The following FBXO16 variants were observed in gnomAD, a reference collection of about 807,000 sequenced individuals.
The protein encoded by FBXO16 is F-box only protein 16.
In FBXO16, 31 loss-of-function variants were observed where a neutral mutation model predicts 41.0. The observed-to-expected ratio is 0.76, with a 90% CI of 0.57 to 1.02. The LOEUF is 1.02. FBXO16 is among the 50% of genes least tolerant of loss of function. The pLI is 0.00. For missense variants in FBXO16, 361 were observed against 346.2 expected (o/e 1.04, Z -0.34); for synonymous variants, 133 against 117.8 (o/e 1.13, Z -0.84).
chr8:28,436,126 T>C (rs1467968472), intron 7 of FBXO16, among the ~76,000 whole-genome samples: 2 of 152,120 alleles, frequency 1.3e-5, no homozygotes, highest in Non-Finnish European at 2.9e-5. Flanking sequence ...GGGGGCCTTC[T>C]TCTAAGAAGA....
At chr8:28,431,605 G>A (rs1369963163) in intron 7 of FBXO16, among the ~76,000 whole-genome samples, 9 of 151,982 alleles carry the variant, frequency 5.9e-5, no homozygotes, top group East Asian at 1.9e-4. Context: ...AGAAAGGTCC[G>A]TCTTCATAGC....
intron 2 of FBXO16, among the ~76,000 whole-genome samples, chr8:28,477,740 T>G (rs947032317): frequency 4.6e-5 from 7 of 152,196 alleles, no homozygotes; most frequent in Non-Finnish European, 8.8e-5. Context: ...TATTAACAGT[T>G]TGATATAGCT....
In FBXO16 at chr8:28,483,432, TG is replaced by T. The variant is rs1307559046; in HGVS notation, c.14del (p.Ala5AspfsTer15). On this transcript the variant is annotated frameshift_variant, in exon 2 of 9. Coordinates refer to ENST00000380254, the MANE Select transcript of FBXO16 (RefSeq NM_172366.4). LOFTEE classifies it high-confidence loss of function. ...TGGGACCATCTGTGTTTTTTGGAGG[TG>T]CAAATGCCATCATGAAACAACTGGA... MMAF[A>X]PPKNTDGPKM... is the part of the protein sequence containing the mutation. 6.2e-7 allele frequency: 1 copy of T among 1,613,882 alleles called. No individual in the cohort carries two copies. The highest frequency in any genetic ancestry group is 1.3e-5 in the African/African-American group (1 of 74,864).
chr8:28,441,222 C>T (rs1802767796), intron 7 of FBXO16, among the ~76,000 whole-genome samples: 1 of 152,084 alleles, frequency 6.6e-6, no homozygotes, highest in Non-Finnish European at 1.5e-5. Context: ...TCTTTCCTCC[C>T]TACTCCCTCT....
chr8:28,441,401 C>T (rs59698082), intron 7 of FBXO16, among the ~76,000 whole-genome samples: 2,745 of 152,258 alleles, frequency 0.018, 87 homozygotes, highest in African/African-American at 0.063. Context: ...AAGAAGACAG[C>T]TCCTTCCTTC....
chr8:28,481,275 G>A (rs1803507813), intron 2 of FBXO16, among the ~76,000 whole-genome samples: 1 of 152,190 alleles, frequency 6.6e-6, no homozygotes, highest in Non-Finnish European at 1.5e-5. Context: ...GGCAGGGACA[G>A]AGCCAGTGAA....
chr8:28,460,332 T>C (rs1195774883), intron 4 of FBXO16, among the ~76,000 whole-genome samples: 1 of 122,560 alleles, frequency 8.2e-6, no homozygotes, highest in Non-Finnish European at 1.7e-5. Flanking sequence ...TACTGTAGCC[T>C]TCAACCCCCC....
chr8:28,480,706 T>C (rs1239266570), intron 2 of FBXO16, among the ~76,000 whole-genome samples: 1 of 152,102 alleles, frequency 6.6e-6, no homozygotes, highest in Non-Finnish European at 1.5e-5. Flanking sequence ...GGTTTTACCA[T>C]GTTGGCCAGG....
chr8:28,485,185 T>C (rs1803582862), intron 1 of FBXO16, among the ~76,000 whole-genome samples: 1 of 152,130 alleles, frequency 6.6e-6, no homozygotes, highest in Admixed American at 6.6e-5. Context: ...ATATTTTTTA[T>C]TTTTTGAGAA....
intron 7 of FBXO16, among the ~76,000 whole-genome samples, chr8:28,442,592 C>T (rs1205331865): frequency 1.3e-5 from 2 of 152,136 alleles, no homozygotes; most frequent in African/African-American, 4.8e-5. Flanking sequence ...CCATGTTGGC[C>T]AGGCTAGTCT....
chr8:28,471,677 CATT>C (rs1803336912), intron 3 of FBXO16, among the ~76,000 whole-genome samples: 2 of 151,644 alleles, frequency 1.3e-5, no homozygotes, highest in Admixed American at 1.3e-4. Context: ...AACAAGAGAC[CATT>C]ATTTATTGAT....
intron 7 of FBXO16, among the ~76,000 whole-genome samples, chr8:28,441,328 C>T (rs1802770093): frequency 6.6e-6 from 1 of 152,200 alleles, no homozygotes; most frequent in African/African-American, 2.4e-5. Context: ...GTCCTAGAGT[C>T]TGCTGACATC....
rs952410726 is a variant in FBXO16 at position 28,452,411 on chromosome 8, T to C, written c.573A>G (p.Glu191=). 1.5e-5 allele frequency: 24 copies of C among 1,614,102 alleles called. No individual in the cohort carries two copies. The highest frequency in any genetic ancestry group is 2.0e-5 in the Non-Finnish European group (24 of 1,180,058). Reference sequence around the variant, plus strand: ...GAAAAGCTGATAAAGGGGACTGTTTTTCCTCTGGAGAATTGCTTGTAACTA... The same window carrying C: ...GAAAAGCTGATAAAGGGGACTGTTTCTCCTCTGGAGAATTGCTTGTAACTA... ...VQLVTSNSPE[E]KQSPLSAFRS... is the part of the protein sequence containing the mutation. Residue 191 remains glutamate (E), a synonymous_variant, in exon 6 of 9, where the codon GAA becomes GAG. Transcript: ENST00000380254.
chr8:28,430,988 T>A (rs1454489831), intron 7 of FBXO16, among the ~76,000 whole-genome samples: 1 of 151,932 alleles, frequency 6.6e-6, no homozygotes, highest in East Asian at 1.9e-4. Context: ...TATAAATAAA[T>A]AAAATAAAAT....
intron 1 of FBXO16, among the ~76,000 whole-genome samples, chr8:28,485,503 T>C (rs6991849): frequency 0.14 from 20,976 of 152,222 alleles, 2,412 homozygotes; most frequent in African/African-American, 0.32. Context: ...CATTATATTT[T>C]GGCTAGTATG....
chr8:28,440,134 GCT>G (rs1802747043), intron 7 of FBXO16, among the ~76,000 whole-genome samples: 1 of 151,660 alleles, frequency 6.6e-6, no homozygotes, highest in African/African-American at 2.4e-5. Context: ...TTATTTAAGT[GCT>G]CTGTCACCCA....
At chr8:28,453,127 A>G (rs1802983159) in intron 5 of FBXO16, among the ~76,000 whole-genome samples, 1 of 152,200 alleles carries the variant, frequency 6.6e-6, no homozygotes, top group Non-Finnish European at 1.5e-5. Context: ...TCTATAAGGT[A>G]ATCATTACTA....
chr8:28,431,520 T>C (rs935996155), intron 7 of FBXO16, among the ~76,000 whole-genome samples: 5 of 152,246 alleles, frequency 3.3e-5, no homozygotes, highest in African/African-American at 1.2e-4. Context: ...TATACCAATG[T>C]TGGGGTCTCC....
chr8:28,434,676 G>A (rs1255637406), intron 7 of FBXO16, among the ~76,000 whole-genome samples: 4 of 152,244 alleles, frequency 2.6e-5, no homozygotes, highest in Non-Finnish European at 5.9e-5. Context: ...TCCCAGTTGA[G>A]GAGTTGATGC....
Sources: gnomAD v4.1 joint callset for allele counts (sites outside exome capture counted in the v4.1 genomes callset) on GRCh38, gnomAD v4.1.1 for gene constraint, MANE v1.5 for transcripts, NCBI Gene and HGNC (gene_info 2026-07-23, HGNC 2026-07-21) for gene names.